LINC00237: variants seen among roughly 807,000 people sequenced by gnomAD.
LINC00237 encodes the protein long independently transcribed non-coding RNA 237, also known as long intergenic non-protein coding RNA 237.
chr20:21,088,771 T>G (rs2030748413), intron 2 of LINC00237, among the ~76,000 whole-genome samples: 1 of 152,202 alleles, frequency 6.6e-6, no homozygotes, highest in East Asian at 1.9e-4. Context: ...TGTTTCCCTT[T>G]TCTTACAATG....
intron 3 of LINC00237, among the ~76,000 whole-genome samples, chr20:21,086,890 G>A (rs1353716343): frequency 6.1e-5 from 8 of 130,686 alleles, no homozygotes; most frequent in Non-Finnish European, 9.6e-5. Flanking sequence ...TAGTATATAT[G>A]TACTATATAT....
At chr20:21,090,941 G>T (rs531455964) in intron 2 of LINC00237, among the ~76,000 whole-genome samples, 1 of 152,204 alleles carries the variant, frequency 6.6e-6, no homozygotes, top group South Asian at 2.1e-4. Context: ...TGGGTATCTT[G>T]ATCTTTGCCC....
rs1317530647 is a variant in LINC00237 at position 21,087,061 on chromosome 20, A to G, written n.559+883T>C. Among the ~76,000 whole-genome samples the G allele has an allele frequency of 3.4e-5, 5 of 148,470 alleles. No individual in the cohort carries two copies. In the South Asian group the frequency reaches 8.4e-4, roughly 25 times the overall value. ...TAGAGTACATATATAGTATACATATATATACACACCCACACCCACACACTA... is the reference window on the plus strand; with the variant it reads ...TAGAGTACATATATAGTATACATATGTATACACACCCACACCCACACACTA... On this transcript the variant is annotated intron_variant and non_coding_transcript_variant, in intron 3 of 3. Coordinates refer to ENST00000691244, the Ensembl canonical transcript of LINC00237.
chr20:21,089,790 T>A (rs1352884331), intron 2 of LINC00237: 1 of 152,234 alleles, frequency 6.6e-6, no homozygotes, highest in Admixed American at 6.5e-5. Flanking sequence ...AAATACTCGA[T>A]AAAATAGCTT....
intron 1 of LINC00237, among the ~76,000 whole-genome samples, chr20:21,094,150 A>T (rs1324369746): frequency 6.6e-6 from 1 of 152,194 alleles, no homozygotes; most frequent in Non-Finnish European, 1.5e-5. Context: ...TTTCAGAATT[A>T]TTTAATTTTC....
intron 3 of LINC00237, among the ~76,000 whole-genome samples, chr20:21,087,024 C>A (rs1396976675): frequency 7.2e-6 from 1 of 139,314 alleles, no homozygotes; most frequent in Non-Finnish European, 1.6e-5. Flanking sequence ...TATATGTACT[C>A]TATATAGTAT....
chr20:21,088,292 C>T (rs2030742431), intron 2 of LINC00237, among the ~76,000 whole-genome samples: 1 of 152,196 alleles, frequency 6.6e-6, no homozygotes, highest in Non-Finnish European at 1.5e-5. Context: ...CCCTAGTCTA[C>T]CTACGTCTAG....
intron 3 of LINC00237, among the ~76,000 whole-genome samples, chr20:21,085,931 A>T (rs2030685975): frequency 6.6e-6 from 1 of 152,232 alleles, no homozygotes; most frequent in African/African-American, 2.4e-5. Flanking sequence ...AGGAATCATA[A>T]GCTTCTGTTT....
At chr20:21,087,602 C>G (rs2030731779) in intron 3 of LINC00237, 1 of 152,146 alleles carries the variant, frequency 6.6e-6, no homozygotes, top group Admixed American at 6.5e-5. Flanking sequence ...TTGTTGTTCA[C>G]TTTAATTTTT....
At chr20:21,094,022 G>A (rs1568885347) in intron 1 of LINC00237, among the ~76,000 whole-genome samples, 2 of 152,236 alleles carry the variant, frequency 1.3e-5, no homozygotes, top group Non-Finnish European at 2.9e-5. Context: ...GGGGATGGAG[G>A]AGAGGTGTGG....
At position 21,094,329 on chromosome 20, in the gene LINC00237, C is replaced by T. The variant is rs148951941; in HGVS notation, n.89-477G>A. Among the ~76,000 whole-genome samples, 767 of 152,300 alleles carry T rather than the reference C, an allele frequency of 5.0e-3. 6 individuals carry two copies. Among genetic ancestry groups the T allele is most frequent in the African/African-American group, 0.017 (693 of 41,558 alleles). On this transcript the variant is annotated intron_variant and non_coding_transcript_variant, in intron 1 of 3. Transcript: ENST00000691244. Reference sequence around the variant, plus strand: ...GTTGAGACTCCACTATGTACTCAAACTGTACAGAGTGTTCTTGGAGCTCTA... The same window carrying T: ...GTTGAGACTCCACTATGTACTCAAATTGTACAGAGTGTTCTTGGAGCTCTA...
At chr20:21,097,591 A>G (rs1192975399) in intron 1 of LINC00237, among the ~76,000 whole-genome samples, 1 of 152,220 alleles carries the variant, frequency 6.6e-6, no homozygotes, top group East Asian at 1.9e-4. Flanking sequence ...GTTGAAAATT[A>G]CCAAGGTTTA....
intron 1 of LINC00237, among the ~76,000 whole-genome samples, chr20:21,102,979 T>A (rs1014729101): frequency 6.6e-6 from 1 of 152,208 alleles, no homozygotes; most frequent in African/African-American, 2.4e-5. Context: ...CCGGAAGCCC[T>A]GACTCCCGGC....
chr20:21,087,446 G>T (rs1303477458), intron 3 of LINC00237, among the ~76,000 whole-genome samples: 1 of 151,932 alleles, frequency 6.6e-6, no homozygotes, highest in Admixed American at 6.6e-5. Context: ...CTATAAATTT[G>T]TGCAAATATC....
At chr20:21,094,242 G>A (rs1215013177) in intron 1 of LINC00237, among the ~76,000 whole-genome samples, 3 of 152,168 alleles carry the variant, frequency 2.0e-5, no homozygotes, top group Non-Finnish European at 4.4e-5. Context: ...GCAGATATAT[G>A]CTGGTCACTC....
At chr20:21,087,427 G>T (rs1294736895) in intron 3 of LINC00237, among the ~76,000 whole-genome samples, 4 of 152,006 alleles carry the variant, frequency 2.6e-5, no homozygotes, top group African/African-American at 9.7e-5. Flanking sequence ...ACCATTGTCA[G>T]ACAGGTCTCT....
At chr20:21,086,627 A>G (rs2030701421) in intron 3 of LINC00237, among the ~76,000 whole-genome samples, 1 of 134,536 alleles carries the variant, frequency 7.4e-6, no homozygotes, top group African/African-American at 2.8e-5. Context: ...TATACTATAT[A>G]TAGTATACTA....
chr20:21,105,190 G>A (rs1189023026), intron 1 of LINC00237, among the ~76,000 whole-genome samples: 2 of 152,192 alleles, frequency 1.3e-5, no homozygotes, highest in African/African-American at 4.8e-5. Flanking sequence ...TGAAAATCCA[G>A]CCAGCACAGC....
rs200504314 is a variant in LINC00237, at chr20:21,086,554, CTA to C, written n.560-668_560-667del. ...CTATATATGGATACCTATATATGTA[CTA>C]TATATATAGTACATATATAGTGTAT... On this transcript the variant is annotated intron_variant and non_coding_transcript_variant, in intron 3 of 3. Coordinates refer to ENST00000691244, the Ensembl canonical transcript of LINC00237. Among the ~76,000 whole-genome samples the C allele has an allele frequency of 3.6e-3, 374 of 103,082 alleles. 2 individuals are homozygous for C. The highest frequency in any genetic ancestry group is 0.013 in the African/African-American group (360 of 28,126). 67.6% of individuals were successfully genotyped at this position (103,082 alleles called of 152,430 possible).
Sources: gnomAD v4.1 joint callset for allele counts (sites outside exome capture counted in the v4.1 genomes callset) on GRCh38, gnomAD v4.1.1 for gene constraint, MANE v1.5 for transcripts, NCBI Gene and HGNC (gene_info 2026-07-23, HGNC 2026-07-21) for gene names.